The following LRIG1 variants were observed in gnomAD, a reference collection of about 807,000 sequenced individuals.
LRIG1 encodes the protein leucine rich repeats and immunoglobulin like domains 1, also known as leucine-rich repeats and immunoglobulin-like domains protein 1.
Under a neutral mutation model 99.2 loss-of-function variants are expected in LRIG1, and 48 were observed. The ratio of observed to expected loss-of-function variants is 0.48; its 90% CI spans 0.38 to 0.62. The LOEUF is 0.62. Among genes scored for constraint, LRIG1 ranks in the 20% least tolerant of loss-of-function variants. The pLI is 0.00. For synonymous variants in LRIG1, 772 were observed against 596.1 expected (o/e 1.29, Z -4.30); for missense variants, 1,646 against 1,434.4 (o/e 1.15, Z -2.38).
At chr3:66,472,865 G>C (rs897369128) in intron 1 of LRIG1, among the ~76,000 whole-genome samples, 3 of 152,132 alleles carry the variant, frequency 2.0e-5, no homozygotes, top group Admixed American at 2.0e-4. Flanking sequence ...GACTTTCCTA[G>C]GACCAGGAAA....
intron 2 of LRIG1, among the ~76,000 whole-genome samples, chr3:66,457,276 C>G (rs1700250818): frequency 1.3e-5 from 2 of 151,952 alleles, no homozygotes; most frequent in Non-Finnish European, 2.9e-5. Flanking sequence ...AATATCCTTC[C>G]CCACCTCCCC....
intron 3 of LRIG1, among the ~76,000 whole-genome samples, chr3:66,425,731 G>A (rs1050073400): frequency 2.0e-5 from 3 of 152,218 alleles, no homozygotes; most frequent in Non-Finnish European, 4.4e-5. Flanking sequence ...GCCAGGTCAC[G>A]TGGCATTCGC....
chr3:66,382,985 T>C lies in LRIG1; in HGVS notation c.2488A>G (p.Thr830Ala). The change falls in exon 15 of 19, where the codon ACA becomes GCA. Residue 830 changes from threonine (T) to alanine (A), a missense_variant. Coordinates refer to ENST00000273261, the MANE Select transcript of LRIG1 (RefSeq NM_015541.3). Reference protein sequence around the residue: ...KKSEEYSVTNTDETVVPPDVP... With the variant: ...KKSEEYSVTNADETVVPPDVP... ...AGCTCCGCTGGCAGGGCCTGACCTG[T>C]GTTGGTGACACTGTACTCTTCACTC... The C allele has an allele frequency of 6.2e-7, 1 of 1,604,326 alleles. No individual in the cohort carries two copies. Among genetic ancestry groups the C allele is most frequent in the Non-Finnish European group, 8.5e-7 (1 of 1,172,706 alleles).
intron 3 of LRIG1, among the ~76,000 whole-genome samples, chr3:66,421,388 G>A (rs1202565485): frequency 2.0e-5 from 3 of 152,148 alleles, no homozygotes; most frequent in Admixed American, 2.0e-4. Context: ...ATACAATAGG[G>A]GTATCAGTAT....
At chr3:66,419,086 C>T (rs1463213172) in intron 3 of LRIG1, among the ~76,000 whole-genome samples, 3 of 152,148 alleles carry the variant, frequency 2.0e-5, no homozygotes, top group Admixed American at 6.5e-5. Context: ...GAGTCTTATC[C>T]GGGAACTGTG....
At chr3:66,414,364 C>T (rs144189384) in intron 5 of LRIG1, among the ~76,000 whole-genome samples, 2,577 of 151,738 alleles carry the variant, frequency 0.017, 28 homozygotes, top group Non-Finnish European at 0.028. Flanking sequence ...ACCACTGCAC[C>T]CCACCTGGGG....
At chr3:66,413,618 C>T (rs952875420) in intron 5 of LRIG1, among the ~76,000 whole-genome samples, 19 of 152,190 alleles carry the variant, frequency 1.2e-4, no homozygotes, top group African/African-American at 4.1e-4. Flanking sequence ...AGCCTCAGTT[C>T]ACCAAAAGAT....
chr3:66,422,641 C>T (rs1478013098), intron 3 of LRIG1, among the ~76,000 whole-genome samples: 1 of 152,222 alleles, frequency 6.6e-6, no homozygotes, highest in East Asian at 1.9e-4. Flanking sequence ...CCACATCTTC[C>T]TGCCTTCTGA....
intron 8 of LRIG1, 60 bp from the exon 9 acceptor site, chr3:66,405,338 C>T (rs936388731): frequency 5.3e-6 from 7 of 1,325,238 alleles, no homozygotes; most frequent in Admixed American, 1.7e-5. Context: ...AAAGCAAACT[C>T]TCACCCAGCC....
chr3:66,476,440 G>A (rs976723550), intron 1 of LRIG1, among the ~76,000 whole-genome samples: 2 of 152,250 alleles, frequency 1.3e-5, no homozygotes, highest in African/African-American at 2.4e-5. Context: ...AAAGAAATAA[G>A]TAGTCCATTA....
chr3:66,496,199 T>A lies in LRIG1; in HGVS notation c.218+3991A>T, dbSNP rs1372496837. 5.9e-5 allele frequency among the ~76,000 whole-genome samples: 9 copies of A among 152,220 alleles called. No homozygotes were observed. In the South Asian group the frequency reaches 8.3e-4, roughly 14 times the overall value. ...TATGCAAAGAGACAATACACTACTTTTTAAAACAGTCCCTTGAAAAGCGGG... is the reference window on the plus strand; with the variant it reads ...TATGCAAAGAGACAATACACTACTTATTAAAACAGTCCCTTGAAAAGCGGG... On this transcript the variant is annotated intron_variant, in intron 1 of 18. Transcript: ENST00000273261.
intron 1 of LRIG1, among the ~76,000 whole-genome samples, chr3:66,465,357 ATTTTT>A (rs59148647): frequency 8.9e-5 from 6 of 67,724 alleles, no homozygotes; most frequent in African/African-American, 2.4e-4. Flanking sequence ...TCTGAGCATA[ATTTTT>A]TTTTTTTTTT....
intron 14 of LRIG1, 98 bp downstream of exon 14, chr3:66,383,893 C>G: frequency 6.7e-7 from 1 of 1,493,380 alleles, no homozygotes. Context: ...TCGAAAGGCC[C>G]ACAACGCATA....
At position 66,500,179 on chromosome 3, in the gene LRIG1, G is replaced by T; in HGVS notation, c.218+11C>A. 1 of 1,513,010 alleles carries T rather than the reference G, an allele frequency of 6.6e-7. No homozygotes were observed. The highest frequency in any genetic ancestry group is 8.8e-7 in the Non-Finnish European group (1 of 1,136,222). 93.7% of individuals were successfully genotyped at this position (1,513,010 alleles called of 1,614,324 possible). A position where few individuals can be genotyped will look rare whatever the true frequency, so the allele number is the denominator to read the frequency against. ...CCGGGGCGCAGAGAGGGCGGAAAGG[G>T]CGGCACTCACAGGCTCCGCGTCCAG... On this transcript the variant is annotated intron_variant, in intron 1 of 18. Coordinates refer to ENST00000273261, the MANE Select transcript of LRIG1 (RefSeq NM_015541.3).
intron 2 of LRIG1, among the ~76,000 whole-genome samples, chr3:66,452,444 G>A (rs1029323194): frequency 6.6e-6 from 1 of 152,208 alleles, no homozygotes; most frequent in Non-Finnish European, 1.5e-5. Flanking sequence ...TCTGGGAAGA[G>A]AATCCAAAAT....
Position 66,387,749 on chromosome 3 carries a change from C to A in LRIG1, c.1469-1448G>T, listed in dbSNP as rs927273498. 6 of 151,744 alleles carry A rather than the reference C, an allele frequency of 4.0e-5. No homozygotes were observed. The South Asian group carries it at 1.0e-3, about 26-fold the overall frequency. 9.4% of individuals were successfully genotyped at this position (151,744 alleles called of 1,614,324 possible). A position where few individuals can be genotyped will look rare whatever the true frequency, so the allele number is the denominator to read the frequency against. On this transcript the variant is annotated intron_variant, in intron 12 of 18. Transcript: ENST00000273261. ...GATTCACTAAATAAACTTTTTAAAT[C>A]GGCAATTATAGGCATATTCAAACAC...
At chr3:66,461,720 T>A (rs548147484) in intron 2 of LRIG1, among the ~76,000 whole-genome samples, 1 of 152,320 alleles carries the variant, frequency 6.6e-6, no homozygotes, top group East Asian at 1.9e-4. Context: ...AAGGTTTCTA[T>A]AAAGTCTCCA....
At chr3:66,442,539 T>C (rs548147070) in intron 3 of LRIG1, among the ~76,000 whole-genome samples, 47 of 151,860 alleles carry the variant, frequency 3.1e-4, no homozygotes, top group African/African-American at 5.8e-4. Context: ...ACACGGGAGA[T>C]TGTGCAATGA....
chr3:66,415,288 GA>G (rs1190485327), intron 4 of LRIG1, among the ~76,000 whole-genome samples: 1 of 152,122 alleles, frequency 6.6e-6, no homozygotes, highest in East Asian at 1.9e-4. Context: ...CGATTTAGTC[GA>G]AAGCATACTG....
Sources: allele counts gnomAD v4.1 joint callset (sites outside exome capture counted in the v4.1 genomes callset), GRCh38; gene constraint gnomAD v4.1.1; transcripts MANE v1.5; gene names NCBI Gene and HGNC (gene_info 2026-07-23, HGNC 2026-07-21).